BRPF3: variants seen among roughly 807,000 people sequenced by gnomAD.
The protein encoded by BRPF3 is bromodomain and PHD finger-containing protein 3.
Under a neutral mutation model 102.0 loss-of-function variants are expected in BRPF3, and 18 were observed. That is an observed-to-expected ratio of 0.18 (90% confidence interval 0.12 to 0.26). The LOEUF (loss-of-function observed/expected upper bound fraction) is 0.26. Ranked by LOEUF, BRPF3 falls within the 10% of genes least tolerant of loss-of-function variation. The probability of loss-of-function intolerance (pLI) is 1.00; values close to 1 mark genes in which losing one functional copy is unlikely to be tolerated. For synonymous variants in BRPF3, 570 were observed against 614.2 expected (o/e 0.93, Z 1.06); for missense variants, 1,147 against 1,567.8 (o/e 0.73, Z 4.53).
At chr6:36,199,826 T>C (rs1321352749) in intron 1 of BRPF3, among the ~76,000 whole-genome samples, 1 of 152,212 alleles carries the variant, frequency 6.6e-6, no homozygotes, top group Non-Finnish European at 1.5e-5. Flanking sequence ...TGATTTCTTC[T>C]TTCATTCAAC....
intron 9 of BRPF3, among the ~76,000 whole-genome samples, chr6:36,221,536 C>T (rs1307553239): frequency 6.6e-6 from 1 of 152,116 alleles, no homozygotes; most frequent in East Asian, 1.9e-4. Flanking sequence ...CTGCCCAGCT[C>T]AGCCTCCCAA....
rs1473587712 is a variant in BRPF3 at position 36,198,219 on chromosome 6, T to TG, written c.-27+1249_-27+1250insG. Among the ~76,000 whole-genome samples the TG allele has an allele frequency of 2.6e-5, 4 of 152,296 alleles. No individual in the cohort carries two copies. The South Asian group carries it at 8.3e-4, about 32-fold the overall frequency. On this transcript the variant is annotated intron_variant, in intron 1 of 12. Coordinates refer to ENST00000357641, the MANE Select transcript of BRPF3 (RefSeq NM_015695.3). ...GCACTGCTCCTCAGCCAAATTGGTTTTTTGTTTGTTTCAGTCACACTTTGG... is the reference window on the plus strand; with the variant it reads ...GCACTGCTCCTCAGCCAAATTGGTTTGTTTGTTTGTTTCAGTCACACTTTGG...
In BRPF3 at chr6:36,200,530, G is replaced by A; in HGVS notation, c.208G>A (p.Asp70Asn). The A allele has an allele frequency of 6.2e-7, 1 of 1,614,184 alleles. No individual in the cohort carries two copies. Among genetic ancestry groups the A allele is most frequent in the Non-Finnish European group, 8.5e-7 (1 of 1,180,038 alleles). The change falls in exon 2 of 13, where the codon GAT (aspartate) becomes AAT (asparagine). Residue 70 changes from aspartate (D) to asparagine (N), a missense_variant. By Grantham distance (23) the Asp-to-Asn change is conservative (BLOSUM62 1). This residue lies in a region of BRPF3 where 221 missense variants were observed against 337.1 expected (regional missense o/e 0.66). Transcript: ENST00000357641. This position sits in a 1 kb window ranked among gnomAD's most constrained non-coding sequence, Gnocchi z 5.3. ...TACTGAAGATGAGCTAACTGCCCAG[G>A]ATATCACCGAATGCAATAGTAACAA... Reference protein sequence around the residue: ...IITEDELTAQDITECNSNKEN... With the variant: ...IITEDELTAQNITECNSNKEN...
chr6:36,216,075 T>G (rs6457892), intron 8 of BRPF3, among the ~76,000 whole-genome samples: 137,788 of 152,206 alleles, frequency 0.91, 62,520 homozygotes, highest in East Asian at 0.97. Flanking sequence ...AAGGCCTGGA[T>G]TTAGGCATAC....
intron 7 of BRPF3, among the ~76,000 whole-genome samples, chr6:36,212,219 T>C (rs557513387): frequency 8.5e-5 from 13 of 152,288 alleles, no homozygotes; most frequent in Admixed American, 5.2e-4. Flanking sequence ...CCAGGAACCT[T>C]ATAAGCTAAG....
chr6:36,210,563 C>CGGG lies in BRPF3; in HGVS notation c.2179+35_2179+36insGGG. On this transcript the variant is annotated intron_variant, in intron 6 of 12. Coordinates refer to ENST00000357641, the MANE Select transcript of BRPF3 (RefSeq NM_015695.3). The surrounding 1 kb of genome is among the most constrained non-coding windows in gnomAD (Gnocchi z 4.7). ...CTGGATGGGTGGGGAGGAGAGGGGC[C>CGGG]AGGAGGAGGCACAGGAACAGAGTCT... The CGGG allele has an allele frequency of 6.5e-7, 1 of 1,543,510 alleles. No homozygotes were observed. The highest frequency in any genetic ancestry group is 2.2e-5 in the East Asian group (1 of 44,566).
In BRPF3 at chr6:36,211,384, G is replaced by T. The variant is rs772105109; in HGVS notation, c.2306G>T (p.Arg769Leu). 5 of 1,614,146 alleles carry T rather than the reference G, an allele frequency of 3.1e-6. No individual in the cohort carries two copies. The highest frequency in any genetic ancestry group is 3.4e-6 in the Non-Finnish European group (4 of 1,179,988). ...AGTGGGGCCCGCACCCGTCGTGTCC[G>T]CCTGCTACGCCGGGAGATCAATGCC... ...RSSGARTRRV[R>L]LLRREINALR... is the part of the protein sequence containing the mutation. Residue 769 changes from arginine (R) to leucine (L), a missense_variant, in exon 7 of 13, where the codon CGC becomes CTC. By Grantham distance (102) the Arg-to-Leu change is moderately radical. Transcript: ENST00000357641.
rs1768259259 is a variant in BRPF3, at chr6:36,214,529, T to C, written c.2989+143T>C. The C allele has an allele frequency of 1.2e-5, 13 of 1,047,064 alleles. No individual in the cohort carries two copies. The South Asian group carries it at 1.7e-4, about 14-fold the overall frequency. The allele number at this position is 1,047,064 out of a possible 1,614,324, so 64.9% of individuals were successfully genotyped here. On this transcript the variant is annotated intron_variant, in intron 8 of 12. Transcript: ENST00000357641. ...GCATTGAGGGCACCATAGCTCACAGTTGGGCCTGGCATGTTAGTAGCAGCC... is the reference window on the plus strand; with the variant it reads ...GCATTGAGGGCACCATAGCTCACAGCTGGGCCTGGCATGTTAGTAGCAGCC...
rs1768897177 is a variant in BRPF3, at chr6:36,230,351, C to G, written c.3435-75C>G. The G allele has an allele frequency of 6.7e-7, 1 of 1,499,600 alleles. No homozygotes were observed. Among genetic ancestry groups the G allele is most frequent in the African/African-American group, 1.4e-5 (1 of 72,720 alleles). The allele number at this position is 1,499,600 out of a possible 1,614,324, so 92.9% of individuals were successfully genotyped here. On this transcript the variant is annotated intron_variant, in intron 12 of 12. Transcript: ENST00000357641. This position sits in a 1 kb window ranked among gnomAD's most constrained non-coding sequence, Gnocchi z 5.4. ...TCTCCCTGGCTTTGCTGGTCCTGGC[C>G]AAGTGGGGCCACAGGAGCCCGAGCC...
In BRPF3 at chr6:36,214,281, T is replaced by A. The variant is rs767036355; in HGVS notation, c.2884T>A (p.Ser962Thr). 9.3e-6 allele frequency: 15 copies of A among 1,613,778 alleles called. No individual in the cohort carries two copies. In the South Asian group the frequency reaches 1.5e-4, roughly 17 times the overall value. ...EDHGVAGSPA[S>T]PASIEEERHS... ...CCATGGTGTGGCAGGCTCTCCTGCC[T>A]CTCCAGCCAGCATCGAGGAAGAGCG... The change falls in exon 8 of 13, where the codon TCT (serine) becomes ACT (threonine). Residue 962 changes from serine to threonine, a missense_variant. Ser to Thr is a moderately conservative substitution (Grantham distance 58). Around this residue, in one of 11 missense-constraint regions of BRPF3, gnomAD observed 379 missense variants for 426.3 expected, o/e 0.89. Transcript: ENST00000357641.
At position 36,210,289 on chromosome 6, in the gene BRPF3, T is replaced by C; in HGVS notation, c.1940T>C (p.Leu647Pro). The change falls in exon 6 of 13, where the codon CTG becomes CCG. Residue 647 changes from leucine to proline, a missense_variant. Around this residue, in one of 11 missense-constraint regions of BRPF3, gnomAD observed 109 missense variants for 175.1 expected, o/e 0.62. Coordinates refer to ENST00000357641, the MANE Select transcript of BRPF3 (RefSeq NM_015695.3). The surrounding 1 kb of genome is among the most constrained non-coding windows in gnomAD (Gnocchi z 4.7). ...STMRRKLESH[L>P]YRTLEEFEED... ...ATGAGGCGGAAGCTGGAGTCCCACCTGTACCGCACCTTGGAGGAGTTTGAG... is the reference window on the plus strand; with the variant it reads ...ATGAGGCGGAAGCTGGAGTCCCACCCGTACCGCACCTTGGAGGAGTTTGAG... The C allele has an allele frequency of 1.2e-6, 2 of 1,614,250 alleles. No homozygotes were observed. Among genetic ancestry groups the C allele is most frequent in the Non-Finnish European group, 1.7e-6 (2 of 1,180,044 alleles).
chr6:36,210,062 G>A lies in BRPF3; in HGVS notation c.1866+147G>A. 1.4e-6 allele frequency: 2 copies of A among 1,403,728 alleles called. No homozygotes were observed. The highest frequency in any genetic ancestry group is 2.0e-5 in the Admixed American group (1 of 50,480). The allele number at this position is 1,403,728 out of a possible 1,614,324, so 87.0% of individuals were successfully genotyped here. Reference sequence around the variant, plus strand: ...AAGCTAGTAGACTTGCCCTTGATGAGGGGTCAGCAGGCCAGGGTGGGCCAG... The same window carrying A: ...AAGCTAGTAGACTTGCCCTTGATGAAGGGTCAGCAGGCCAGGGTGGGCCAG... On this transcript the variant is annotated intron_variant, in intron 5 of 12. Coordinates refer to ENST00000357641, the MANE Select transcript of BRPF3 (RefSeq NM_015695.3). The surrounding 1 kb of genome is among the most constrained non-coding windows in gnomAD (Gnocchi z 4.7).
chr6:36,211,588 G>A (rs763021871), intron 7 of BRPF3, 28 bp downstream of exon 7: 1 of 1,545,232 alleles, frequency 6.5e-7, no homozygotes, highest in Admixed American at 2.0e-5. Context: ...GCAGGCAGGG[G>A]GTTGGAGGGT....
intron 4 of BRPF3, among the ~76,000 whole-genome samples, chr6:36,209,375 G>A (rs1444329329): frequency 6.6e-6 from 1 of 152,110 alleles, no homozygotes; most frequent in Non-Finnish European, 1.5e-5. Flanking sequence ...CAGTTACTTA[G>A]TTTCCTCTAG....
rs764263678 is a variant in BRPF3, at chr6:36,213,953, C to T, written c.2556C>T (p.Ser852=). The T allele has an allele frequency of 6.2e-7, 1 of 1,613,932 alleles. No homozygotes were observed. Among genetic ancestry groups the T allele is most frequent in the Non-Finnish European group, 8.5e-7 (1 of 1,179,982 alleles). The change falls in exon 8 of 13, where the codon TCC becomes TCT. Residue 852 remains serine (S), a synonymous_variant. Coordinates refer to ENST00000357641, the MANE Select transcript of BRPF3 (RefSeq NM_015695.3). ...GPAPSLSEQE[S]PPEPPTLKPI... Reference sequence around the variant, plus strand: ...CACCTTCCTTGTCTGAGCAAGAATCCCCCCCGGAGCCCCCTACTCTGAAAC... The same window carrying T: ...CACCTTCCTTGTCTGAGCAAGAATCTCCCCCGGAGCCCCCTACTCTGAAAC...
chr6:36,205,420 T>C (rs2127279288), intron 3 of BRPF3, among the ~76,000 whole-genome samples: 1 of 152,376 alleles, frequency 6.6e-6, no homozygotes, highest in East Asian at 1.9e-4. Flanking sequence ...CAAAGCTTTA[T>C]GTGAGTCTGG....
rs1197509685 is a variant in BRPF3, at chr6:36,210,199, A to G, written c.1867-17A>G. ...TAGTAAATGGTTGTTGTAATTGTAC[A>G]GGTTTTATATGTTTAGGTTCCAGAT... On this transcript the variant is annotated splice_polypyrimidine_tract_variant and intron_variant, in intron 5 of 12. Coordinates refer to ENST00000357641, the MANE Select transcript of BRPF3 (RefSeq NM_015695.3). This position sits in a 1 kb window ranked among gnomAD's most constrained non-coding sequence, Gnocchi z 4.7. The G allele has an allele frequency of 1.2e-6, 2 of 1,613,580 alleles. No homozygotes were observed. Among genetic ancestry groups the G allele is most frequent in the Non-Finnish European group, 1.7e-6 (2 of 1,179,476 alleles).
chr6:36,207,323 A>G lies in BRPF3; in HGVS notation c.1616A>G (p.Asp539Gly), dbSNP rs777815971. Residue 539 changes from aspartate (D) to glycine (G), a missense_variant, in exon 4 of 13, where the codon GAT (aspartate) becomes GGT (glycine). Asp to Gly is a moderately conservative substitution (Grantham distance 94). Around this residue, in one of 11 missense-constraint regions of BRPF3, gnomAD observed 37 missense variants for 33.3 expected, o/e 1.11. Transcript: ENST00000357641. The stretch of plus-strand genomic sequence containing the variant: ...TCTTCCCTCCTGTAGCGAGAGCAGG[A>G]TGAGAAGACAAGTGCAGTGAAGGAG... ...SQRNAEQREQ[D>G]EKTSAVKEEL... 1.2e-6 allele frequency: 2 copies of G among 1,613,762 alleles called. No homozygotes were observed. The highest frequency in any genetic ancestry group is 2.7e-5 in the African/African-American group (2 of 74,906).
intron 3 of BRPF3, among the ~76,000 whole-genome samples, chr6:36,206,259 A>G (rs1767901682): frequency 6.6e-6 from 1 of 152,208 alleles, no homozygotes; most frequent in Admixed American, 6.5e-5. Context: ...GGTGCTGCCT[A>G]CATCTGGGCA....
Sources: gnomAD v4.1 joint callset for allele counts (sites outside exome capture counted in the v4.1 genomes callset) on GRCh38, gnomAD v4.1.1 for gene constraint, gnomAD v4.1.1 regional missense constraint, Gnocchi (gnomAD v3.1) non-coding constraint, MANE v1.5 for transcripts, NCBI Gene and HGNC (gene_info 2026-07-23, HGNC 2026-07-21) for gene names.